The following HAS3 variants were observed in gnomAD, a reference collection of about 807,000 sequenced individuals.
HAS3 encodes HA synthase 3.
Under a neutral mutation model 50.3 loss-of-function variants are expected in HAS3, and 27 were observed. That is an observed-to-expected ratio of 0.54 (90% CI 0.40 to 0.74). The LOEUF is 0.74. HAS3 is among the 30% of genes least tolerant of loss of function. The pLI is 0.00. For synonymous variants in HAS3, 339 were observed against 310.9 expected, an observed-to-expected ratio of 1.09 and a Z score of -0.95; for missense variants, 517 against 742.8, an observed-to-expected ratio of 0.70 and a Z score of 3.53.
chr16:69,116,454 A>T lies in HAS3; in HGVS notation c.*1188A>T. ...TGACTTTCAGGCTACTGTTCTTGAC[A>T]ATCATCTCCAATGGAAAGCTTTTCA... is the stretch of plus-strand genomic sequence containing the variant. On this transcript the variant is annotated 3_prime_UTR_variant, in exon 4 of 4. Transcript: ENST00000569188. 1.0e-6 allele frequency: 1 copy of T among 985,904 alleles called. No homozygotes were observed. The highest frequency in any genetic ancestry group is 1.7e-5 in the African/African-American group (1 of 57,382). The allele number at this position is 985,904 out of a possible 1,614,324, so 61.1% of individuals were successfully genotyped here. A position where few individuals can be genotyped will look rare whatever the true frequency, so the allele number is the denominator to read the frequency against.
the HAS3 span, among the ~76,000 whole-genome samples, chr16:69,089,163 G>A: frequency 6.6e-6 from 1 of 152,018 alleles, no homozygotes; most frequent in Admixed American, 6.6e-5. Context: ...TGTCTGCGAG[G>A]GTGACTGAAT....
chr16:69,110,307 C>G (rs1007859271), intron 2 of HAS3, among the ~76,000 whole-genome samples: 1 of 152,120 alleles, frequency 6.6e-6, no homozygotes, highest in African/African-American at 2.4e-5. Flanking sequence ...AAAAATTAGC[C>G]GGGCATGGTG....
chr16:69,110,767 G>A (rs1960974188), intron 2 of HAS3, among the ~76,000 whole-genome samples: 1 of 152,212 alleles, frequency 6.6e-6, no homozygotes, highest in Non-Finnish European at 1.5e-5. Context: ...TACCTGTGAT[G>A]CAGCACTGCC....
rs1393037567 is a variant in HAS3, at chr16:69,107,535, G to T, written c.-1+1748G>T. ...CGAGGCTCGAGCGGGGATGAGAAGC[G>T]TGGCGAGTGCGTTCGCGGCTGCTTT... On this transcript the variant is annotated intron_variant, in intron 1 of 3. Coordinates refer to ENST00000569188, the MANE Select transcript of HAS3 (RefSeq NM_001199280.2). The surrounding 1 kb of genome is among the most constrained non-coding windows in gnomAD (Gnocchi z 5.5). 2.8e-5 allele frequency: 28 copies of T among 985,430 alleles called. No homozygotes were observed. Among genetic ancestry groups the T allele is most frequent in the East Asian group, 1.1e-4 (1 of 8,808 alleles). The allele number at this position is 985,430 out of a possible 1,614,324, so 61.0% of individuals were successfully genotyped here.
At chr16:69,103,745 G>C (rs1597089825), upstream of HAS3, among the ~76,000 whole-genome samples, 1 of 152,134 alleles carries the variant, frequency 6.6e-6, no homozygotes, top group African/African-American at 2.4e-5. Context: ...TGCTGTCACT[G>C]AGTGCTCTAG....
chr16:69,092,372 G>A, the HAS3 span, among the ~76,000 whole-genome samples: 1 of 152,176 alleles, frequency 6.6e-6, no homozygotes, highest in Non-Finnish European at 1.5e-5. Context: ...GGAGGCCGAG[G>A]CAGGTGGATC....
At chr16:69,110,161 C>G in intron 2 of HAS3, 130 bp downstream of exon 2, 1 of 946,684 alleles carries the variant, frequency 1.1e-6, no homozygotes, top group Non-Finnish European at 1.5e-6. Context: ...CTTAAGAAGG[C>G]AACAAGGTGG....
Position 69,117,096 on chromosome 16 carries a change from G to A in HAS3, c.*1830G>A. 1 of 985,752 alleles carries A rather than the reference G, an allele frequency of 1.0e-6. No homozygotes were observed. Among genetic ancestry groups the A allele is most frequent in the Non-Finnish European group, 1.2e-6 (1 of 829,942 alleles). 61.1% of individuals were successfully genotyped at this position (985,752 alleles called of 1,614,324 possible). A position where few individuals can be genotyped will look rare whatever the true frequency, so the allele number is the denominator to read the frequency against. ...TTGACATCAGACCCAACCCATGAAG[G>A]CTGGAAGGCAGCAGGCATTTGCTAA... is the stretch of plus-strand genomic sequence containing the variant. On this transcript the variant is annotated 3_prime_UTR_variant, in exon 4 of 4. Transcript: ENST00000569188.
chr16:69,109,244 T>C lies in HAS3; in HGVS notation c.1-152T>C, dbSNP rs1054798120. The C allele has an allele frequency of 2.0e-5, 15 of 734,864 alleles. No individual in the cohort carries two copies. The highest frequency in any genetic ancestry group is 3.0e-4 in the Middle Eastern group (1 of 3,374). The allele number at this position is 734,864 out of a possible 1,614,324, so 45.5% of individuals were successfully genotyped here. On this transcript the variant is annotated intron_variant, in intron 1 of 3. Coordinates refer to ENST00000569188, the MANE Select transcript of HAS3 (RefSeq NM_001199280.2). The surrounding 1 kb of genome is among the most constrained non-coding windows in gnomAD (Gnocchi z 5.3). ...AGCTGGGATCTGAACCCCAGTAGTC[T>C]GGCTTCTGAGTCTACCAAGTCTTAT...
the HAS3 span, among the ~76,000 whole-genome samples, chr16:69,094,826 G>C: frequency 1.3e-5 from 2 of 152,118 alleles, no homozygotes; most frequent in Non-Finnish European, 2.9e-5. Context: ...TCTAATTCCA[G>C]GTGTATCGGA....
chr16:69,114,781 C>A lies in HAS3; in HGVS notation c.1177C>A (p.Leu393Ile), dbSNP rs1393002309. 3.1e-6 allele frequency: 5 copies of A among 1,614,144 alleles called. No individual in the cohort carries two copies. The highest frequency in any genetic ancestry group is 4.2e-6 in the Non-Finnish European group (5 of 1,180,028). ...GGTCACGGGTTTCTTCCCCTTCTTC[C>A]TCATTGCCACGGTTATACAGCTTTT... ...SVVTGFFPFFLIATVIQLFYR... is the reference protein window; with the variant it reads ...SVVTGFFPFFIIATVIQLFYR... The change falls in exon 4 of 4, where the codon CTC (leucine) becomes ATC (isoleucine). Residue 393 changes from leucine (L) to isoleucine (I), a missense_variant. Coordinates refer to ENST00000569188, the MANE Select transcript of HAS3 (RefSeq NM_001199280.2). The surrounding 1 kb of genome is among the most constrained non-coding windows in gnomAD (Gnocchi z 6.4).
the HAS3 span, among the ~76,000 whole-genome samples, chr16:69,089,160 G>T: frequency 6.6e-6 from 1 of 152,080 alleles, no homozygotes; most frequent in Non-Finnish European, 1.5e-5. Context: ...CTTTGTCTGC[G>T]AGGGTGACTG....
the HAS3 span, among the ~76,000 whole-genome samples, chr16:69,090,084 T>G: frequency 6.6e-6 from 1 of 152,120 alleles, no homozygotes; most frequent in African/African-American, 2.4e-5. Flanking sequence ...GAACATCTGT[T>G]GAATACAATG....
At position 69,116,572 on chromosome 16, in the gene HAS3, G is replaced by A; in HGVS notation, c.*1306G>A. The A allele has an allele frequency of 1.0e-6, 1 of 985,740 alleles. No homozygotes were observed. Among genetic ancestry groups the A allele is most frequent in the Non-Finnish European group, 1.2e-6 (1 of 829,924 alleles). The allele number at this position is 985,740 out of a possible 1,614,324, so 61.1% of individuals were successfully genotyped here. On this transcript the variant is annotated 3_prime_UTR_variant, in exon 4 of 4. Transcript: ENST00000569188. ...TTCTCCAGGGAATTCTTACAGCCAA[G>A]TTGTGACAGTCACTGCATTTGCCTG...
Position 69,115,608 on chromosome 16 carries a change from G to GA in HAS3, c.*343dup, listed in dbSNP as rs1567582736. The stretch of plus-strand genomic sequence containing the variant: ...TAAGTCCCATTCAGTGGCAACTTGT[G>GA]ATAGGTACCTGAGTGACGGCAACCT... On this transcript the variant is annotated 3_prime_UTR_variant, in exon 4 of 4. Coordinates refer to ENST00000569188, the MANE Select transcript of HAS3 (RefSeq NM_001199280.2). 3 of 1,036,860 alleles carry GA rather than the reference G, an allele frequency of 2.9e-6. No individual in the cohort carries two copies. The highest frequency in any genetic ancestry group is 2.3e-6 in the Non-Finnish European group (2 of 863,770). 64.2% of individuals were successfully genotyped at this position (1,036,860 alleles called of 1,614,324 possible).
At chr16:69,099,078 C>A in the HAS3 span, among the ~76,000 whole-genome samples, 3 of 151,930 alleles carry the variant, frequency 2.0e-5, no homozygotes, top group East Asian at 5.8e-4. Flanking sequence ...TCACGCCATT[C>A]TCCTGCCTCA....
Position 69,114,692 on chromosome 16 carries a change from G to T in HAS3, c.1088G>T (p.Arg363Leu). 1 of 1,614,078 alleles carries T rather than the reference G, an allele frequency of 6.2e-7. No homozygotes were observed. The highest frequency in any genetic ancestry group is 8.5e-7 in the Non-Finnish European group (1 of 1,180,014). ...QQTRWSKSYFREWLYNSLWFH... is the reference protein window; with the variant it reads ...QQTRWSKSYFLEWLYNSLWFH... ...ACCCGCTGGAGCAAGTCTTACTTCCGGGAGTGGCTCTACAACTCTCTGTGG... is the reference window on the plus strand; with the variant it reads ...ACCCGCTGGAGCAAGTCTTACTTCCTGGAGTGGCTCTACAACTCTCTGTGG... Residue 363 changes from arginine to leucine, a missense_variant, in exon 4 of 4, where the codon CGG becomes CTG. Transcript: ENST00000569188. The surrounding 1 kb of genome is among the most constrained non-coding windows in gnomAD (Gnocchi z 6.4).
downstream of HAS3, chr16:69,118,400 G>A (rs201415345): frequency 1.5e-5 from 25 of 1,613,486 alleles, no homozygotes; most frequent in Non-Finnish European, 1.9e-5. Flanking sequence ...GGTCCAAGCT[G>A]CCCAGGTCAG....
rs1269973585 is a variant in HAS3, at chr16:69,117,553, G to A, written c.*2287G>A. 2.3e-6 allele frequency: 2 copies of A among 856,658 alleles called. No homozygotes were observed. The highest frequency in any genetic ancestry group is 2.8e-6 in the Non-Finnish European group (2 of 716,986). The allele number at this position is 856,658 out of a possible 1,614,324, so 53.1% of individuals were successfully genotyped here. ...TTTTGTATTGTTTCTACAATAATTT[G>A]TAAACATATTTATTTTTACCTGCTT... On this transcript the variant is annotated 3_prime_UTR_variant, in exon 4 of 4. Transcript: ENST00000569188.
Sources: allele counts gnomAD v4.1 joint callset (sites outside exome capture counted in the v4.1 genomes callset), GRCh38; gene constraint gnomAD v4.1.1; non-coding constraint Gnocchi (gnomAD v3.1); transcripts MANE v1.5; gene names NCBI Gene and HGNC (gene_info 2026-07-23, HGNC 2026-07-21).